The following ADGRL3 variants were observed in gnomAD, a reference collection of about 807,000 sequenced individuals.
ADGRL3 encodes the protein adhesion G protein-coupled receptor L3.
A neutral mutation model predicts 153.5 loss-of-function variants in ADGRL3; 62 were observed. The ratio of observed to expected loss-of-function variants is 0.40; its 90% CI spans 0.33 to 0.50. The LOEUF (loss-of-function observed/expected upper bound fraction) is 0.50. ADGRL3 is among the 20% of genes least tolerant of loss of function. The probability of loss-of-function intolerance (pLI) is 0.47; values close to 1 mark genes in which losing one functional copy is unlikely to be tolerated. For synonymous variants in ADGRL3, 710 were observed against 672.5 expected (o/e 1.06, Z -0.86); for missense variants, 1,641 against 1,859.4 (o/e 0.88, Z 2.16).
At chr4:61,294,525 A>T (rs1258935872) in intron 1 of ADGRL3, among the ~76,000 whole-genome samples, 1 of 152,156 alleles carries the variant, frequency 6.6e-6, no homozygotes, top group South Asian at 2.1e-4. Flanking sequence ...GTCGAGGACT[A>T]TCTGTCTTCA....
intron 4 of ADGRL3, among the ~76,000 whole-genome samples, chr4:61,548,005 G>C (rs1173313250): frequency 6.6e-6 from 1 of 151,932 alleles, no homozygotes; most frequent in East Asian, 1.9e-4. Flanking sequence ...GTGATGTTGA[G>C]TATTTTTTCA....
At chr4:61,554,284 C>G (rs1282643854) in intron 4 of ADGRL3, among the ~76,000 whole-genome samples, 1 of 151,752 alleles carries the variant, frequency 6.6e-6, no homozygotes, top group African/African-American at 2.4e-5. Flanking sequence ...ACCTCCACCT[C>G]CCAGGTTCAA....
At chr4:61,413,793 C>G (rs2097114501) in intron 2 of ADGRL3, among the ~76,000 whole-genome samples, 1 of 152,026 alleles carries the variant, frequency 6.6e-6, no homozygotes, top group Non-Finnish European at 1.5e-5. Context: ...CGAATGAAAC[C>G]AGGGAACTCA....
chr4:61,676,977 C>A, intron 6 of ADGRL3, 42 bp downstream of exon 6: 1 of 1,270,052 alleles, frequency 7.9e-7, no homozygotes, highest in Non-Finnish European at 1.1e-6. Context: ...AGAAAAGATA[C>A]TAAACTGTGT....
intron 4 of ADGRL3, among the ~76,000 whole-genome samples, chr4:61,528,626 G>A (rs539397544): frequency 6.6e-6 from 1 of 152,192 alleles, no homozygotes; most frequent in Admixed American, 6.5e-5. Context: ...AAGAGACCAA[G>A]GTGCCATAAT....
At chr4:61,431,317 G>T (rs896438882) in intron 2 of ADGRL3, among the ~76,000 whole-genome samples, 9 of 152,304 alleles carry the variant, frequency 5.9e-5, no homozygotes, top group Admixed American at 5.2e-4. Context: ...TCTGGCAGCA[G>T]CAGCTGTCCT....
chr4:61,384,277 A>C (rs1252019835), intron 2 of ADGRL3, among the ~76,000 whole-genome samples: 1 of 151,864 alleles, frequency 6.6e-6, no homozygotes, highest in East Asian at 1.9e-4. Context: ...CCTGTTTTAC[A>C]GAAGAGATAT....
At chr4:61,414,497 T>G (rs951612433) in intron 2 of ADGRL3, among the ~76,000 whole-genome samples, 23 of 152,262 alleles carry the variant, frequency 1.5e-4, no homozygotes, top group Middle Eastern at 6.8e-3. Flanking sequence ...ATTCTTCTCC[T>G]CTGGTAAATA....
At chr4:61,358,403 C>T (rs1010854858) in intron 1 of ADGRL3, among the ~76,000 whole-genome samples, 1 of 151,958 alleles carries the variant, frequency 6.6e-6, no homozygotes, top group East Asian at 1.9e-4. Context: ...CGAGACCATC[C>T]TGGCTAACAG....
chr4:61,290,885 A>G (rs1309472285), intron 1 of ADGRL3, among the ~76,000 whole-genome samples: 4 of 152,038 alleles, frequency 2.6e-5, no homozygotes, highest in Non-Finnish European at 5.9e-5. Context: ...TCATACTTCT[A>G]GATAAGAATA....
chr4:61,793,144 G>T (rs2097364610), intron 8 of ADGRL3, among the ~76,000 whole-genome samples: 1 of 152,100 alleles, frequency 6.6e-6, no homozygotes, highest in Admixed American at 6.5e-5. Flanking sequence ...TCAGATCTCA[G>T]CCGGGTGTGG....
At chr4:61,333,188 A>G (rs1041297916) in intron 1 of ADGRL3, among the ~76,000 whole-genome samples, 4 of 152,104 alleles carry the variant, frequency 2.6e-5, no homozygotes, top group Admixed American at 6.6e-5. Context: ...AATATATTGG[A>G]AGATTTTAAC....
intron 21 of ADGRL3, among the ~76,000 whole-genome samples, chr4:62,018,970 T>C (rs1210206269): frequency 1.3e-5 from 2 of 152,136 alleles, no homozygotes; most frequent in Non-Finnish European, 2.9e-5. Flanking sequence ...TGCGTAGCAG[T>C]GGGCATATGT....
At chr4:61,776,776 T>C (rs2097156365) in intron 8 of ADGRL3, among the ~76,000 whole-genome samples, 1 of 152,226 alleles carries the variant, frequency 6.6e-6, no homozygotes, top group Admixed American at 6.5e-5. Context: ...TCAGTTGCTA[T>C]TTCTGTGTTG....
intron 1 of ADGRL3, among the ~76,000 whole-genome samples, chr4:61,309,033 G>T (rs1392692070): frequency 6.6e-6 from 1 of 152,196 alleles, no homozygotes; most frequent in East Asian, 1.9e-4. Flanking sequence ...GTAGACAAAA[G>T]AATTACCTTC....
At chr4:61,467,177 T>C (rs1375588031) in intron 2 of ADGRL3, among the ~76,000 whole-genome samples, 4 of 152,166 alleles carry the variant, frequency 2.6e-5, no homozygotes, top group Non-Finnish European at 5.9e-5. Flanking sequence ...ATGTTTTTAA[T>C]GTTCATAAGA....
intron 4 of ADGRL3, among the ~76,000 whole-genome samples, chr4:61,571,316 TAATAAAATAAAATAA>T (rs10605564): frequency 0.048 from 6,699 of 140,254 alleles, 506 homozygotes; most frequent in African/African-American, 0.16. Flanking sequence ...CTCAACAAAA[TAATAAAATAAAATAA>T]AATAAAATAA....
intron 6 of ADGRL3, among the ~76,000 whole-genome samples, chr4:61,692,445 T>G (rs1392591879): frequency 4.5e-5 from 1 of 22,002 alleles, no homozygotes; most frequent in Non-Finnish European, 6.5e-5. Context: ...TCTCTTCCTA[T>G]TTTTTTTTTT....
chr4:61,999,535 T>C lies in ADGRL3; in HGVS notation c.3395+1270T>C, dbSNP rs190725682. Among the ~76,000 whole-genome samples the C allele has an allele frequency of 4.3e-3, 649 of 152,334 alleles. 5 individuals carry two copies. The highest frequency in any genetic ancestry group is 0.014 in the African/African-American group (601 of 41,582). ...TAATTTGCCTATGCTGGTGTTATAT[T>C]TATTAAACGCTTTTACTTAAATGAA... On this transcript the variant is annotated intron_variant, in intron 21 of 26. Coordinates refer to ENST00000683033, the MANE Select transcript of ADGRL3 (RefSeq NM_001387552.1).
Sources: gnomAD v4.1 joint callset for allele counts (sites outside exome capture counted in the v4.1 genomes callset) on GRCh38, gnomAD v4.1.1 for gene constraint, MANE v1.5 for transcripts, NCBI Gene and HGNC (gene_info 2026-07-23, HGNC 2026-07-21) for gene names.